The following CYP39A1 variants were observed in gnomAD, a reference collection of about 807,000 sequenced individuals.
CYP39A1 encodes the protein 24-hydroxycholesterol 7-alpha-hydroxylase.
A neutral mutation model predicts 58.1 loss-of-function variants in CYP39A1; 49 were observed. The ratio of observed to expected loss-of-function variants is 0.84; its 90% CI spans 0.67 to 1.07. The LOEUF (loss-of-function observed/expected upper bound fraction) is 1.07, where lower values mean the gene tolerates loss of function less well. CYP39A1 is among the 50% of genes least tolerant of loss of function. The pLI is 0.00. For synonymous variants in CYP39A1, 209 were observed against 187.6 expected, an observed-to-expected ratio of 1.11 and a Z score of -0.93; for missense variants, 531 against 539.4, an observed-to-expected ratio of 0.98 and a Z score of 0.16.
chr6:46,550,598 A>G (rs1467289307), intron 11 of CYP39A1, among the ~76,000 whole-genome samples, 161 bp from the exon 12 acceptor site: 1 of 152,168 alleles, frequency 6.6e-6, no homozygotes, highest in Admixed American at 6.6e-5. Flanking sequence ...TCCAACATCA[A>G]CTTTAGCCTT....
At chr6:46,554,484 G>C (rs1770567900) in intron 10 of CYP39A1, among the ~76,000 whole-genome samples, 1 of 152,004 alleles carries the variant, frequency 6.6e-6, no homozygotes, top group South Asian at 2.1e-4. Flanking sequence ...CAAGCATTTT[G>C]ATCACACACT....
chr6:46,604,184 T>A (rs1210976130), intron 7 of CYP39A1, among the ~76,000 whole-genome samples: 1 of 152,152 alleles, frequency 6.6e-6, no homozygotes, highest in Non-Finnish European at 1.5e-5. Context: ...TGAGAGCAAA[T>A]GTTAAGGAAA....
chr6:46,629,176 C>T (rs1236103767), intron 6 of CYP39A1, among the ~76,000 whole-genome samples: 1 of 152,174 alleles, frequency 6.6e-6, no homozygotes, highest in Non-Finnish European at 1.5e-5. Flanking sequence ...ATTCTCTAAT[C>T]ATCAGACACT....
At chr6:46,635,313 T>C (rs977697734) in intron 5 of CYP39A1, among the ~76,000 whole-genome samples, 7 of 152,180 alleles carry the variant, frequency 4.6e-5, no homozygotes, top group Non-Finnish European at 7.3e-5. Flanking sequence ...GTGAGGAAAC[T>C]GAGGCCAAGA....
intron 7 of CYP39A1, among the ~76,000 whole-genome samples, chr6:46,597,267 TACAATAACTA>T (rs1773224825): frequency 6.6e-6 from 1 of 152,106 alleles, no homozygotes; most frequent in African/African-American, 2.4e-5. Context: ...GTACCAGTAT[TACAATAACTA>T]AGGCGCAGCT....
At chr6:46,597,082 T>C (rs1335522409) in intron 7 of CYP39A1, among the ~76,000 whole-genome samples, 1 of 152,104 alleles carries the variant, frequency 6.6e-6, no homozygotes, top group Non-Finnish European at 1.5e-5. Flanking sequence ...CAAGCCCATT[T>C]TGCAGGAAAA....
At chr6:46,620,851 C>A (rs1192577991) in intron 7 of CYP39A1, among the ~76,000 whole-genome samples, 1 of 152,092 alleles carries the variant, frequency 6.6e-6, no homozygotes, top group Non-Finnish European at 1.5e-5. Context: ...ACTTCTGTGG[C>A]CACCCATGAC....
chr6:46,649,525 T>C (rs1478096406), intron 1 of CYP39A1, among the ~76,000 whole-genome samples: 2 of 152,242 alleles, frequency 1.3e-5, no homozygotes, highest in African/African-American at 4.8e-5. Context: ...GCCATATCCA[T>C]GCATCTTCAA....
In CYP39A1 at chr6:46,550,293, AG is replaced by A; in HGVS notation, c.*72del. 1 of 1,207,826 alleles carries A rather than the reference AG, an allele frequency of 8.3e-7. No individual in the cohort carries two copies. The highest frequency in any genetic ancestry group is 1.2e-6 in the Non-Finnish European group (1 of 835,888). The allele number at this position is 1,207,826 out of a possible 1,614,324, so 74.8% of individuals were successfully genotyped here. ...GAAGCAGTGTGTTTTTGTAGAGCTC[AG>A]GTCTAGGTGCTGCCAGGTGGGGTAG... is the stretch of plus-strand genomic sequence containing the variant. On this transcript the variant is annotated 3_prime_UTR_variant, in exon 12 of 12. Transcript: ENST00000275016.
chr6:46,589,701 G>C (rs570670235), intron 8 of CYP39A1, among the ~76,000 whole-genome samples: 20 of 152,174 alleles, frequency 1.3e-4, no homozygotes, highest in African/African-American at 4.8e-4. Context: ...AATCCTGTCT[G>C]TTTTACTTCC....
rs573215745 is a variant in CYP39A1 at position 46,581,641 on chromosome 6, ATTG to A, written c.1250+5433_1250+5435del. Among the ~76,000 whole-genome samples the A allele has an allele frequency of 1.8e-4, 27 of 152,202 alleles. No homozygotes were observed. The South Asian group carries it at 4.8e-3, about 27-fold the overall frequency. The stretch of plus-strand genomic sequence containing the variant: ...AAATACACATGGACACAAAGAGGGA[ATTG>A]TTGTGGGTGGAGCATGGGAGGGGGG... On this transcript the variant is annotated intron_variant, in intron 10 of 11. Coordinates refer to ENST00000275016, the MANE Select transcript of CYP39A1 (RefSeq NM_016593.5).
chr6:46,559,600 C>G (rs1770859922), intron 10 of CYP39A1, among the ~76,000 whole-genome samples: 1 of 152,100 alleles, frequency 6.6e-6, no homozygotes, highest in Admixed American at 6.5e-5. Context: ...CATGAGTAGC[C>G]TCACTTTCAT....
intron 10 of CYP39A1, among the ~76,000 whole-genome samples, chr6:46,572,241 A>G (rs569124157): frequency 6.6e-6 from 1 of 152,210 alleles, no homozygotes; most frequent in East Asian, 1.9e-4. Context: ...GATTTTGACT[A>G]TATATTTACC....
intron 4 of CYP39A1, 23 bp downstream of exon 4, chr6:46,637,806 T>C (rs1323165480): frequency 8.7e-6 from 14 of 1,603,822 alleles, no homozygotes; most frequent in African/African-American, 1.3e-5. Flanking sequence ...GTCAATGAAT[T>C]AATTATAGGA....
intron 1 of CYP39A1, among the ~76,000 whole-genome samples, chr6:46,648,818 A>G (rs911151260): frequency 1.3e-5 from 2 of 152,216 alleles, no homozygotes; most frequent in Non-Finnish European, 2.9e-5. Context: ...AAGTTAAAAA[A>G]AAAAACAAAT....
intron 7 of CYP39A1, among the ~76,000 whole-genome samples, chr6:46,622,577 T>C (rs6918520): frequency 0.38 from 57,886 of 151,768 alleles, 13,183 homozygotes; most frequent in African/African-American, 0.62. Flanking sequence ...CATTCCACTG[T>C]ACTCCAGGTG....
intron 10 of CYP39A1, among the ~76,000 whole-genome samples, chr6:46,559,674 G>A (rs997469280): frequency 6.6e-6 from 1 of 152,148 alleles, no homozygotes; most frequent in South Asian, 2.1e-4. Context: ...GTGGTAGCAC[G>A]TGGAGGAGCT....
chr6:46,614,817 G>A (rs1170083184), intron 7 of CYP39A1, among the ~76,000 whole-genome samples: 1 of 152,146 alleles, frequency 6.6e-6, no homozygotes, highest in East Asian at 1.9e-4. Flanking sequence ...CAGGCTTGAA[G>A]GATGCATAGC....
At chr6:46,573,713 A>G (rs984716459) in intron 10 of CYP39A1, among the ~76,000 whole-genome samples, 13 of 152,190 alleles carry the variant, frequency 8.5e-5, no homozygotes, top group African/African-American at 2.9e-4. Flanking sequence ...TCAGGAGTGT[A>G]TAGAACATCT....
Sources: allele counts gnomAD v4.1 joint callset (sites outside exome capture counted in the v4.1 genomes callset), GRCh38; gene constraint gnomAD v4.1.1; transcripts MANE v1.5; gene names NCBI Gene and HGNC (gene_info 2026-07-23, HGNC 2026-07-21).